LINGO2: variants seen among roughly 807,000 people sequenced by gnomAD.
LINGO2 encodes the protein leucine-rich repeat and immunoglobulin-like domain-containing nogo receptor-interacting protein 2.
In LINGO2, 14 loss-of-function variants were observed where a neutral mutation model predicts 30.6. That is an observed-to-expected ratio of 0.46 (90% CI 0.30 to 0.72). LINGO2 has a LOEUF of 0.72. Ranked by LOEUF, LINGO2 falls within the 30% of genes least tolerant of loss-of-function variation. The pLI is 0.07. For synonymous variants in LINGO2, 317 were observed against 288.5 expected (o/e 1.10, Z -1.00); for missense variants, 729 against 751.7 (o/e 0.97, Z 0.35).
the LINGO2 span, among the ~76,000 whole-genome samples, chr9:28,999,704 G>A: frequency 6.6e-5 from 10 of 151,966 alleles, no homozygotes; most frequent in Non-Finnish European, 1.5e-5. Context: ...ACAGGTTAGA[G>A]TGTCCATGGT....
the LINGO2 span, among the ~76,000 whole-genome samples, chr9:28,856,883 T>C: frequency 6.6e-6 from 1 of 151,964 alleles, no homozygotes; most frequent in Non-Finnish European, 1.5e-5. Context: ...AGAGAAGATA[T>C]AGATGGATTT....
intron 1 of LINGO2, among the ~76,000 whole-genome samples, chr9:28,541,661 T>A (rs1214332851): frequency 6.6e-6 from 1 of 152,104 alleles, no homozygotes; most frequent in Non-Finnish European, 1.5e-5. Flanking sequence ...GCAACTCACT[T>A]CCTTGAAACA....
At chr9:28,318,169 A>G (rs1381822690) in intron 3 of LINGO2, among the ~76,000 whole-genome samples, 2 of 152,198 alleles carry the variant, frequency 1.3e-5, no homozygotes, top group African/African-American at 4.8e-5. Flanking sequence ...AATGACTCAA[A>G]GCACTTCTGT....
intron 4 of LINGO2, among the ~76,000 whole-genome samples, chr9:28,107,123 C>A (rs531152450): frequency 3.0e-4 from 46 of 152,256 alleles, no homozygotes; most frequent in Non-Finnish European, 6.0e-4. Flanking sequence ...ATGCTGCCTT[C>A]TATTATACGT....
At chr9:28,107,118 G>A (rs1359065640) in intron 4 of LINGO2, among the ~76,000 whole-genome samples, 1 of 151,988 alleles carries the variant, frequency 6.6e-6, no homozygotes, top group African/African-American at 2.4e-5. Flanking sequence ...TCCCAATGCT[G>A]CCTTCTATTA....
intron 1 of LINGO2, among the ~76,000 whole-genome samples, chr9:28,650,143 A>G (rs1007596780): frequency 6.6e-6 from 1 of 151,896 alleles, no homozygotes; most frequent in Non-Finnish European, 1.5e-5. Context: ...TTAAGAAATG[A>G]AAAAAAAGAA....
At chr9:28,525,498 T>G (rs939112963) in intron 1 of LINGO2, among the ~76,000 whole-genome samples, 1 of 152,138 alleles carries the variant, frequency 6.6e-6, no homozygotes, top group African/African-American at 2.4e-5. Flanking sequence ...AGGAATGAAG[T>G]AGTAACACAT....
intron 5 of LINGO2, among the ~76,000 whole-genome samples, chr9:27,976,495 C>T (rs1192210910): frequency 2.0e-5 from 3 of 152,006 alleles, no homozygotes; most frequent in Admixed American, 1.3e-4. Context: ...ATTTTATATG[C>T]CAGGCATAAT....
At chr9:28,735,575 G>T in the LINGO2 span, among the ~76,000 whole-genome samples, 1 of 152,050 alleles carries the variant, frequency 6.6e-6, no homozygotes, top group African/African-American at 2.4e-5. Flanking sequence ...TCATACAATG[G>T]TTAGGTAATC....
intron 3 of LINGO2, among the ~76,000 whole-genome samples, chr9:28,345,984 A>G (rs936179008): frequency 1.3e-5 from 2 of 152,246 alleles, no homozygotes; most frequent in African/African-American, 4.8e-5. Context: ...TTTGCTAGAC[A>G]AAATTATCAC....
chr9:29,091,762 A>T, the LINGO2 span, among the ~76,000 whole-genome samples: 1 of 152,048 alleles, frequency 6.6e-6, no homozygotes, highest in Admixed American at 6.6e-5. Context: ...TCTACATTGG[A>T]TTCATTCACC....
chr9:27,964,525 A>C (rs1820003458), intron 5 of LINGO2, among the ~76,000 whole-genome samples: 2 of 152,138 alleles, frequency 1.3e-5, no homozygotes. Flanking sequence ...GATTTAATGC[A>C]ATGAAATCGA....
At chr9:28,185,295 G>A (rs1819502182) in intron 4 of LINGO2, among the ~76,000 whole-genome samples, 1 of 152,040 alleles carries the variant, frequency 6.6e-6, no homozygotes, top group Non-Finnish European at 1.5e-5. Context: ...ATAATGCAAG[G>A]TGTTTAAAGT....
At chr9:29,106,800 G>A in the LINGO2 span, among the ~76,000 whole-genome samples, 1 of 152,092 alleles carries the variant, frequency 6.6e-6, no homozygotes. Context: ...CATTGCAAAT[G>A]AGGGAACTGA....
intron 1 of LINGO2, among the ~76,000 whole-genome samples, chr9:28,588,747 C>T (rs926548572): frequency 2.6e-5 from 4 of 151,954 alleles, no homozygotes; most frequent in African/African-American, 9.7e-5. Context: ...TCCTTAAATC[C>T]TGAGCTAAAA....
chr9:28,038,912 G>A (rs1260576343), intron 4 of LINGO2, among the ~76,000 whole-genome samples: 2 of 152,112 alleles, frequency 1.3e-5, no homozygotes, highest in African/African-American at 2.4e-5. Context: ...ATAGTTGTTC[G>A]CTCTCTAGAA....
At chr9:28,603,357 G>A (rs1411066316) in intron 1 of LINGO2, among the ~76,000 whole-genome samples, 1 of 151,948 alleles carries the variant, frequency 6.6e-6, no homozygotes, top group East Asian at 1.9e-4. Context: ...TACACAGTAG[G>A]CACTCAATAA....
intron 4 of LINGO2, among the ~76,000 whole-genome samples, chr9:28,260,458 T>C (rs951068726): frequency 2.0e-5 from 3 of 151,894 alleles, no homozygotes; most frequent in African/African-American, 7.2e-5. Context: ...GATACCTAGA[T>C]CCACTTTAAG....
At chr9:28,077,565 T>TGGAAAATCTAGCACTTG (rs1563961000) in intron 4 of LINGO2, among the ~76,000 whole-genome samples, 1 of 149,902 alleles carries the variant, frequency 6.7e-6, no homozygotes, top group African/African-American at 2.5e-5. Context: ...GCATCAAAAC[T>TGGAAAATCTAGCACTTG]ATTATCTTAT....
Sources: allele counts gnomAD v4.1 joint callset (sites outside exome capture counted in the v4.1 genomes callset), GRCh38; gene constraint gnomAD v4.1.1; transcripts MANE v1.5; gene names NCBI Gene and HGNC (gene_info 2026-07-23, HGNC 2026-07-21).